WWTR1: variants seen among roughly 807,000 people sequenced by gnomAD.
WWTR1 encodes WW domain-containing transcription regulator protein 1.
Under a neutral mutation model 40.1 loss-of-function variants are expected in WWTR1, and 13 were observed. The ratio of observed to expected loss-of-function variants is 0.32; its 90% CI spans 0.21 to 0.52. The LOEUF (loss-of-function observed/expected upper bound fraction) is 0.52, where lower values mean the gene tolerates loss of function less well. WWTR1 is among the 20% of genes least tolerant of loss of function. WWTR1 has a pLI of 0.97. For missense variants in WWTR1, 436 were observed against 523.1 expected, an observed-to-expected ratio of 0.83 and a Z score of 1.63; for synonymous variants, 230 against 210.1, an observed-to-expected ratio of 1.09 and a Z score of -0.82.
At chr3:149,618,417 A>C (rs16862046) in intron 2 of WWTR1, among the ~76,000 whole-genome samples, 4,018 of 152,310 alleles carry the variant, frequency 0.026, 193 homozygotes, top group African/African-American at 0.091. Flanking sequence ...TGCCAGCGAT[A>C]CAACATGTAT....
chr3:149,577,506 T>C (rs1737941539), intron 2 of WWTR1, among the ~76,000 whole-genome samples: 1 of 152,228 alleles, frequency 6.6e-6, no homozygotes, highest in East Asian at 1.9e-4. Context: ...AGCCTCCTTC[T>C]CTCAGTCCCA....
chr3:149,699,000 T>C (rs1161036323), intron 1 of WWTR1, among the ~76,000 whole-genome samples: 4 of 152,338 alleles, frequency 2.6e-5, no homozygotes, highest in African/African-American at 9.6e-5. Context: ...TTTCCCATTG[T>C]CTTGGCTGTT....
At chr3:149,619,384 G>A (rs987927089) in intron 2 of WWTR1, among the ~76,000 whole-genome samples, 75 of 152,258 alleles carry the variant, frequency 4.9e-4, no homozygotes, top group African/African-American at 1.6e-3. Context: ...ACTTTGAGAC[G>A]CCAAGGTGAG....
chr3:149,618,048 A>G (rs995671250), intron 2 of WWTR1, among the ~76,000 whole-genome samples: 9 of 152,234 alleles, frequency 5.9e-5, no homozygotes, highest in Admixed American at 2.6e-4. Context: ...TTAATTAACA[A>G]AGAACTATAA....
chr3:149,655,127 A>AAAAGAAAGAAAG lies in WWTR1; in HGVS notation c.431+1737_431+1748dup, dbSNP rs202179151. Among the ~76,000 whole-genome samples, 4 of 147,292 alleles carry AAAAGAAAGAAAG rather than the reference A, an allele frequency of 2.7e-5. No homozygotes were observed. In the East Asian group the frequency reaches 6.1e-4, roughly 22 times the overall value. On this transcript the variant is annotated intron_variant, in intron 2 of 6. Coordinates refer to ENST00000360632, the MANE Select transcript of WWTR1 (RefSeq NM_015472.6). ...GGCGACAGAGCGAGACTCCATCTAA[A>AAAAGAAAGAAAG]AAAGAAAGAAAGAAAGAAAGAAAGA...
chr3:149,559,450 T>A (rs1736995228), intron 3 of WWTR1, among the ~76,000 whole-genome samples: 2 of 152,030 alleles, frequency 1.3e-5, no homozygotes, highest in African/African-American at 4.8e-5. Flanking sequence ...GATAGATGGA[T>A]AGATGGATAG....
rs996503080 is a variant in WWTR1, at chr3:149,598,563, G to A, written c.432-25563C>T. ...CTCCCAAATTGCTTGGATTACAGGC[G>A]TGAGCCACTGTGCCTGGCTGGTTTC... On this transcript the variant is annotated intron_variant, in intron 2 of 6. Transcript: ENST00000360632. Among the ~76,000 whole-genome samples the A allele has an allele frequency of 5.3e-5, 8 of 152,130 alleles. No homozygotes were observed. In the South Asian group the frequency reaches 8.3e-4, roughly 16 times the overall value.
At chr3:149,615,185 G>T (rs1739917520) in intron 2 of WWTR1, among the ~76,000 whole-genome samples, 1 of 152,164 alleles carries the variant, frequency 6.6e-6, no homozygotes. Flanking sequence ...CACTCTTAAA[G>T]ATTTGCAGAC....
At chr3:149,535,736 G>A (rs1421303470) in intron 4 of WWTR1, among the ~76,000 whole-genome samples, 1 of 149,968 alleles carries the variant, frequency 6.7e-6, no homozygotes, top group African/African-American at 2.4e-5. Context: ...GCTGAGGCCT[G>A]GTGCAGTGGC....
At chr3:149,559,447 G>A (rs1295402624) in intron 3 of WWTR1, among the ~76,000 whole-genome samples, 1 of 152,020 alleles carries the variant, frequency 6.6e-6, no homozygotes, top group Non-Finnish European at 1.5e-5. Context: ...ATAGATAGAT[G>A]GATAGATGGA....
At chr3:149,712,194 G>A (rs561716400) in intron 5 of WWTR1, among the ~76,000 whole-genome samples, 1 of 152,264 alleles carries the variant, frequency 6.6e-6, no homozygotes, top group African/African-American at 2.4e-5. Flanking sequence ...TGAGGCTGAG[G>A]TGGGAGGATT....
chr3:149,645,300 T>C (rs7619711), intron 2 of WWTR1, among the ~76,000 whole-genome samples: 72,368 of 151,312 alleles, frequency 0.48, 17,492 homozygotes, highest in Middle Eastern at 0.62. Context: ...AGGATGGTCT[T>C]GATCTCCTGA....
chr3:149,722,868 T>A (rs907387143), intron 4 of WWTR1, among the ~76,000 whole-genome samples: 22 of 152,070 alleles, frequency 1.4e-4, no homozygotes, highest in Middle Eastern at 3.2e-3. Context: ...TTGCTTTCTT[T>A]TTAGGTTTTC....
Position 149,603,550 on chromosome 3 carries a change from A to AC in WWTR1, c.432-30551dup, listed in dbSNP as rs572881301. On this transcript the variant is annotated intron_variant, in intron 2 of 6. Coordinates refer to ENST00000360632, the MANE Select transcript of WWTR1 (RefSeq NM_015472.6). ...AATAATTTAGTTACAAAGGTTCCCC[A>AC]CCCCCCCCTTGTACTCCACTCTAAT... is the stretch of plus-strand genomic sequence containing the variant. 1.2e-3 allele frequency among the ~76,000 whole-genome samples: 170 copies of AC among 140,590 alleles called. 2 individuals carry two copies. Among genetic ancestry groups the AC allele is most frequent in the South Asian group, 3.8e-3 (17 of 4,426 alleles). 92.2% of individuals were successfully genotyped at this position (140,590 alleles called of 152,430 possible).
chr3:149,660,723 A>T (rs1231172911), upstream of WWTR1, among the ~76,000 whole-genome samples: 1 of 152,198 alleles, frequency 6.6e-6, no homozygotes, highest in African/African-American at 2.4e-5. Context: ...CTCCTTTGTA[A>T]ATTAGGGACA....
chr3:149,697,572 T>C (rs770391177), intron 1 of WWTR1, among the ~76,000 whole-genome samples: 1 of 152,184 alleles, frequency 6.6e-6, no homozygotes, highest in Non-Finnish European at 1.5e-5. Context: ...CACCGGAGAT[T>C]ACATTACAAC....
chr3:149,679,019 C>T (rs557787127), intron 1 of WWTR1, among the ~76,000 whole-genome samples: 8 of 152,088 alleles, frequency 5.3e-5, no homozygotes, highest in East Asian at 1.9e-4. Context: ...TTAGTAGAAA[C>T]GGGGTTTCAC....
At chr3:149,675,596 A>T (rs1052704189) in intron 1 of WWTR1, among the ~76,000 whole-genome samples, 38 of 152,232 alleles carry the variant, frequency 2.5e-4, no homozygotes, top group Non-Finnish European at 2.9e-5. Context: ...AGAGGAAGAC[A>T]ATGAAACTAC....
intron 2 of WWTR1, among the ~76,000 whole-genome samples, chr3:149,598,695 TAAA>T (rs1280795946): frequency 6.6e-6 from 1 of 152,238 alleles, no homozygotes; most frequent in Admixed American, 6.5e-5. Context: ...CAAATGCCGT[TAAA>T]AACTTTCATC....
Sources: allele counts gnomAD v4.1 joint callset (sites outside exome capture counted in the v4.1 genomes callset), GRCh38; gene constraint gnomAD v4.1.1; transcripts MANE v1.5; gene names NCBI Gene and HGNC (gene_info 2026-07-23, HGNC 2026-07-21).